Variants in SMIM31 observed in about 807,000 individuals in gnomAD.
SMIM31 encodes the protein small integral membrane protein 31, also known as human epithelial cell program regulator.
chr4:164,785,164 T>G (rs985447070), intron 2 of SMIM31, among the ~76,000 whole-genome samples: 24 of 151,918 alleles, frequency 1.6e-4, no homozygotes, highest in African/African-American at 5.3e-4. Context: ...AGGCGGAGGT[T>G]GCGGTAAGCA....
chr4:164,778,569 C>A (rs1416675331), intron 2 of SMIM31, among the ~76,000 whole-genome samples: 1 of 152,176 alleles, frequency 6.6e-6, no homozygotes, highest in Non-Finnish European at 1.5e-5. Flanking sequence ...TTTGAGTGTT[C>A]ACTGTCTGCC....
At chr4:164,774,573 T>C (rs1732856101) in intron 2 of SMIM31, among the ~76,000 whole-genome samples, 1 of 152,218 alleles carries the variant, frequency 6.6e-6, no homozygotes, top group Non-Finnish European at 1.5e-5. Context: ...AATTGTGCTA[T>C]GAAAATCACA....
chr4:164,790,305 A>G (rs560508334), intron 2 of SMIM31, among the ~76,000 whole-genome samples: 1 of 152,030 alleles, frequency 6.6e-6, no homozygotes, highest in African/African-American at 2.4e-5. Flanking sequence ...TATTTTTTTA[A>G]AAAAAATCCT....
At position 164,801,631 on chromosome 4, in the gene SMIM31, T is replaced by C. The variant is rs901961762; in HGVS notation, c.*437T>C. 2.6e-5 allele frequency: 4 copies of C among 152,628 alleles called. No individual in the cohort carries two copies. In the South Asian group the frequency reaches 8.3e-4, roughly 32 times the overall value. The allele number at this position is 152,628 out of a possible 1,614,324, so 9.5% of individuals were successfully genotyped here. Reference sequence around the variant, plus strand: ...TAATGAAAAGCTATAAGTAACTGTGTTATTGCTTCCGTATCTGAAATAGGT... The same window carrying C: ...TAATGAAAAGCTATAAGTAACTGTGCTATTGCTTCCGTATCTGAAATAGGT... On this transcript the variant is annotated 3_prime_UTR_variant, in exon 3 of 3. Transcript: ENST00000507311.
chr4:164,792,898 G>A (rs1021955025), intron 2 of SMIM31, among the ~76,000 whole-genome samples: 2 of 152,074 alleles, frequency 1.3e-5, no homozygotes, highest in African/African-American at 4.8e-5. Context: ...TCAATACAGT[G>A]TAGCACTGGC....
chr4:164,785,348 T>G (rs1297248057), intron 2 of SMIM31, among the ~76,000 whole-genome samples: 1 of 152,228 alleles, frequency 6.6e-6, no homozygotes, highest in Non-Finnish European at 1.5e-5. Context: ...TTTTTTTGCT[T>G]GTTTGTTTAC....
chr4:164,787,635 G>A lies in SMIM31; in HGVS notation c.113-13456G>A, dbSNP rs562356130. ...CTTCCATGACAGTTGAATCTCAAAT[G>A]TCATGAACTAGAACTCACTTTACTT... On this transcript the variant is annotated intron_variant, in intron 2 of 2. Transcript: ENST00000507311. Among the ~76,000 whole-genome samples the A allele has an allele frequency of 6.6e-5, 10 of 150,480 alleles. No individual in the cohort carries two copies. In the South Asian group the frequency reaches 2.1e-3, roughly 31 times the overall value.
chr4:164,757,808 TTG>T, intron 1 of SMIM31, among the ~76,000 whole-genome samples: 1 of 104,666 alleles, frequency 9.6e-6, no homozygotes, highest in Non-Finnish European at 2.3e-5. Flanking sequence ...CTACACTCTT[TTG>T]ATTACTAAAG....
intron 2 of SMIM31, among the ~76,000 whole-genome samples, chr4:164,771,436 C>T (rs529003298): frequency 8.5e-5 from 13 of 152,252 alleles, no homozygotes; most frequent in African/African-American, 3.1e-4. Flanking sequence ...TCAAGGCTGA[C>T]GTGGCACTTA....
intron 1 of SMIM31, among the ~76,000 whole-genome samples, chr4:164,758,033 T>C (rs894258639): frequency 1.3e-5 from 2 of 152,188 alleles, no homozygotes; most frequent in African/African-American, 2.4e-5. Flanking sequence ...CCATAAAATA[T>C]CGTATATCTC....
intron 1 of SMIM31, 143 bp from the exon 2 acceptor site, chr4:164,770,276 C>A (rs62352459): frequency 0.06 from 23,435 of 387,944 alleles, 1,391 homozygotes; most frequent in African/African-American, 0.21. Flanking sequence ...CTTGCCACTG[C>A]CAAATACATT....
chr4:164,763,698 CA>C (rs1269240120), intron 1 of SMIM31, among the ~76,000 whole-genome samples: 3 of 152,172 alleles, frequency 2.0e-5, no homozygotes, highest in Non-Finnish European at 4.4e-5. Context: ...TCAACAATCA[CA>C]GTACATTTAG....
rs145086639 is a variant in SMIM31 at position 164,782,612 on chromosome 4, C to T, written c.112+12057C>T. Among the ~76,000 whole-genome samples the T allele has an allele frequency of 2.8e-4, 42 of 149,432 alleles. No homozygotes were observed. In the East Asian group the frequency reaches 6.9e-3, roughly 25 times the overall value. On this transcript the variant is annotated intron_variant, in intron 2 of 2. Transcript: ENST00000507311. ...GCCAGGATGGTCTCGTGAGCCACTG[C>T]GCCCGGCCCCAACACTACTTTGTCT...
intron 1 of SMIM31, among the ~76,000 whole-genome samples, chr4:164,756,297 G>A (rs1434573589): frequency 1.3e-5 from 2 of 152,120 alleles, no homozygotes; most frequent in South Asian, 2.1e-4. Context: ...TAGGCCGGGT[G>A]CGGTGGCTCA....
chr4:164,764,159 CT>C (rs1453456620), intron 1 of SMIM31, among the ~76,000 whole-genome samples: 1 of 152,124 alleles, frequency 6.6e-6, no homozygotes, highest in African/African-American at 2.4e-5. Context: ...GCTGTCCAGC[CT>C]GAATTCCTCT....
intron 2 of SMIM31, among the ~76,000 whole-genome samples, chr4:164,799,735 C>G (rs928389931): frequency 6.6e-6 from 1 of 152,178 alleles, no homozygotes; most frequent in Non-Finnish European, 1.5e-5. Context: ...CAAGTTGACA[C>G]AAAAAATTAA....
At chr4:164,788,478 C>CTTTTTCTTTTTTTTTTTTTTTTTTT (rs1733056135) in intron 2 of SMIM31, among the ~76,000 whole-genome samples, 7 of 58,164 alleles carry the variant, frequency 1.2e-4, no homozygotes, top group African/African-American at 5.1e-4. Flanking sequence ...TCTAATTTTT[C>CTTTTTCTTTTTTTTTTTTTTTTTTT]TTTTTTTTTT....
intron 2 of SMIM31, among the ~76,000 whole-genome samples, chr4:164,777,954 T>C (rs896312712): frequency 2.0e-5 from 3 of 152,260 alleles, no homozygotes; most frequent in Admixed American, 2.0e-4. Context: ...CCTACAGCAC[T>C]ACAGCACAGA....
At position 164,763,653 on chromosome 4, in the gene SMIM31, A is replaced by G. The variant is rs73875006; in HGVS notation, c.-25-6766A>G. ...ACATGTGATCCTCCCTAAAACTCTG[A>G]AAATCAGTCTCCTAAGCTTACAGAT... On this transcript the variant is annotated intron_variant, in intron 1 of 2. Coordinates refer to ENST00000507311, the MANE Select transcript of SMIM31 (RefSeq NM_001352885.1). Among the ~76,000 whole-genome samples the G allele has an allele frequency of 3.7e-3, 561 of 152,334 alleles. 5 individuals are homozygous for G. Among genetic ancestry groups the G allele is most frequent in the African/African-American group, 0.013 (533 of 41,570 alleles).
Sources: allele counts gnomAD v4.1 joint callset (sites outside exome capture counted in the v4.1 genomes callset), GRCh38; gene constraint gnomAD v4.1.1; transcripts MANE v1.5; gene names NCBI Gene and HGNC (gene_info 2026-07-23, HGNC 2026-07-21).